Variants in ACTR2 observed in about 807,000 individuals in gnomAD.
ACTR2 encodes actin-related protein 2.
Under a neutral mutation model 50.2 loss-of-function variants are expected in ACTR2, and 5 were observed. That is an observed-to-expected ratio of 0.10 (90% confidence interval 0.05 to 0.21). The LOEUF is 0.21. ACTR2 is among the 10% of genes least tolerant of loss of function. ACTR2 has a pLI of 1.00. For missense variants in ACTR2, 180 were observed against 480.6 expected (o/e 0.37, Z 5.85); for synonymous variants, 140 against 162.9 (o/e 0.86, Z 1.07).
At chr2:65,252,605 A>G (rs1380433695) in intron 4 of ACTR2, among the ~76,000 whole-genome samples, 1 of 152,064 alleles carries the variant, frequency 6.6e-6, no homozygotes, top group African/African-American at 2.4e-5. Context: ...AGATTGTGCC[A>G]TTGCACTCCA....
chr2:65,265,730 T>G (rs1026808673), intron 8 of ACTR2, among the ~76,000 whole-genome samples: 19 of 152,178 alleles, frequency 1.2e-4, no homozygotes, highest in African/African-American at 4.6e-4. Context: ...CTAGAAATAG[T>G]TGATGTTTCT....
chr2:65,250,911 C>T, intron 3 of ACTR2, 116 bp from the exon 4 acceptor site: 1 of 565,062 alleles, frequency 1.8e-6, no homozygotes, highest in Non-Finnish European at 3.0e-6. Flanking sequence ...AAGACTATTT[C>T]AGGTCCATTT....
Position 65,271,064 on chromosome 2 carries a change from C to G in ACTR2, c.*2330C>G, listed in dbSNP as rs188901015. On this transcript the variant is annotated 3_prime_UTR_variant, in exon 9 of 9. Transcript: ENST00000260641. ...TTAGAAATACATTTAGTAAAGTCCCCAAGACATTAGTCTTACATTTAAACT... is the reference window on the plus strand; with the variant it reads ...TTAGAAATACATTTAGTAAAGTCCCGAAGACATTAGTCTTACATTTAAACT... 3.3e-5 allele frequency: 5 copies of G among 152,158 alleles called. No individual in the cohort carries two copies. The highest frequency in any genetic ancestry group is 2.9e-5 in the Non-Finnish European group (2 of 67,990). The allele number at this position is 152,158 out of a possible 1,614,324, so 9.4% of individuals were successfully genotyped here. A position where few individuals can be genotyped will look rare whatever the true frequency, so the allele number is the denominator to read the frequency against.
At chr2:65,231,359 T>C (rs369468355) in intron 1 of ACTR2, among the ~76,000 whole-genome samples, 3 of 152,352 alleles carry the variant, frequency 2.0e-5, no homozygotes, top group East Asian at 3.9e-4. Flanking sequence ...AGATTGTGTA[T>C]TCTGTTTCTT....
In ACTR2 at chr2:65,251,117, G is replaced by A. The variant is rs1487604735; in HGVS notation, c.448+18G>A. 4 of 1,557,990 alleles carry A rather than the reference G, an allele frequency of 2.6e-6. No homozygotes were observed. In the Admixed American group the frequency reaches 5.7e-5, roughly 22 times the overall value. On this transcript the variant is annotated intron_variant, in intron 4 of 8. Transcript: ENST00000260641. The stretch of plus-strand genomic sequence containing the variant: ...CGCTCAAGGTAGGTTAAGCTTAACT[G>A]TTAGAAAAAACACTTCATCAAACAT...
rs201528685 is a variant in ACTR2, at chr2:65,263,064, TAG to T, written c.881+1675_881+1676del. ...AAGGGACTTGTTTGTTTGTTTGAGA[TAG>T]AGTCTCGCTCTGTCGCCAGGCTGGA... On this transcript the variant is annotated intron_variant, in intron 7 of 8. Coordinates refer to ENST00000260641, the MANE Select transcript of ACTR2 (RefSeq NM_005722.4). 5.7e-3 allele frequency among the ~76,000 whole-genome samples: 865 copies of T among 151,572 alleles called. 38 individuals carry two copies. The highest frequency in any genetic ancestry group is 0.052 in the Admixed American group (792 of 15,240).
At chr2:65,245,590 G>A (rs749306168) in intron 2 of ACTR2, among the ~76,000 whole-genome samples, 1 of 152,112 alleles carries the variant, frequency 6.6e-6, no homozygotes, top group Non-Finnish European at 1.5e-5. Context: ...TTAACGTATT[G>A]TAGCAAATAT....
intron 7 of ACTR2, among the ~76,000 whole-genome samples, chr2:65,263,838 G>A (rs1407866390): frequency 1.3e-5 from 2 of 152,116 alleles, no homozygotes; most frequent in South Asian, 2.1e-4. Flanking sequence ...GGCGAATCAC[G>A]AGGTCAGGAG....
chr2:65,229,766 A>AAAG (rs1558618371), intron 1 of ACTR2, among the ~76,000 whole-genome samples: 4 of 148,854 alleles, frequency 2.7e-5, no homozygotes, highest in Non-Finnish European at 4.5e-5. Flanking sequence ...AAAAAAAAAA[A>AAAG]AAAAAGAAAA....
At chr2:65,250,672 C>CAAAAAAAAAAAAAAAAAAAAAA (rs368589131) in intron 3 of ACTR2, among the ~76,000 whole-genome samples, 1 of 84,904 alleles carries the variant, frequency 1.2e-5, no homozygotes. Context: ...GACTTCATCT[C>CAAAAAAAAAAAAAAAAAAAAAA]AAAAAAAAAA....
At chr2:65,232,653 T>C (rs1230658492) in intron 1 of ACTR2, among the ~76,000 whole-genome samples, 1 of 152,032 alleles carries the variant, frequency 6.6e-6, no homozygotes, top group Non-Finnish European at 1.5e-5. Context: ...TCCCAGGTTA[T>C]TATTTTTTTG....
intron 1 of ACTR2, among the ~76,000 whole-genome samples, chr2:65,230,883 G>T (rs562497530): frequency 1.3e-5 from 2 of 151,772 alleles, no homozygotes; most frequent in Non-Finnish European, 2.9e-5. Context: ...GTGAAACCCC[G>T]TGTCTACTAA....
At chr2:65,262,252 C>T (rs1422479945) in intron 7 of ACTR2, among the ~76,000 whole-genome samples, 6 of 152,010 alleles carry the variant, frequency 3.9e-5, no homozygotes, top group African/African-American at 1.4e-4. Flanking sequence ...TTTTTTGAGA[C>T]GGAATGTCAC....
chr2:65,241,570 G>A lies in ACTR2; in HGVS notation c.159+1608G>A, dbSNP rs187555211. On this transcript the variant is annotated intron_variant, in intron 2 of 8. Transcript: ENST00000260641. The stretch of plus-strand genomic sequence containing the variant: ...AGCCTATCAAGTTAAATTATTCTTC[G>A]AGTAGAAAACAGCAAAAGATACCTG... 3.7e-3 allele frequency among the ~76,000 whole-genome samples: 558 copies of A among 152,146 alleles called. 3 individuals carry two copies. Among genetic ancestry groups the A allele is most frequent in the African/African-American group, 0.012 (500 of 41,518 alleles).
chr2:65,242,800 T>A (rs1300178666), intron 2 of ACTR2, among the ~76,000 whole-genome samples: 1 of 152,194 alleles, frequency 6.6e-6, no homozygotes, highest in Non-Finnish European at 1.5e-5. Flanking sequence ...GTAGATACTT[T>A]TCAAGTTTGT....
intron 1 of ACTR2, among the ~76,000 whole-genome samples, chr2:65,237,200 C>T (rs1248566971): frequency 2.0e-5 from 3 of 152,114 alleles, no homozygotes; most frequent in Non-Finnish European, 4.4e-5. Context: ...ATAGCTTCCT[C>T]CTCCCACCCT....
At chr2:65,240,859 G>T (rs1671829074) in intron 2 of ACTR2, among the ~76,000 whole-genome samples, 1 of 152,110 alleles carries the variant, frequency 6.6e-6, no homozygotes, top group South Asian at 2.1e-4. Flanking sequence ...TATGCATTAG[G>T]GCGTATCTCT....
Position 65,261,338 on chromosome 2 carries a change from T to C in ACTR2, c.827T>C (p.Val276Ala). The C allele has an allele frequency of 6.2e-7, 1 of 1,613,942 alleles. No homozygotes were observed. Among genetic ancestry groups the C allele is most frequent in the Non-Finnish European group, 8.5e-7 (1 of 1,179,956 alleles). Residue 276 changes from valine (V) to alanine (A), a missense_variant, in exon 7 of 9, where the codon GTT (valine) becomes GCT (alanine). Transcript: ENST00000260641. ...CCTCACTTGATCAATGTTGAAGGAG[T>C]TGGTGTTGCTGAATTGCTTTTTAAC... ...FQPHLINVEGVGVAELLFNTI... is the reference protein window; with the variant it reads ...FQPHLINVEGAGVAELLFNTI...
chr2:65,247,831 G>A (rs1671967540), intron 3 of ACTR2, among the ~76,000 whole-genome samples: 1 of 152,162 alleles, frequency 6.6e-6, no homozygotes, highest in African/African-American at 2.4e-5. Context: ...ATCAGCTGTA[G>A]ATGCTAAAGG....
Sources: allele counts gnomAD v4.1 joint callset (sites outside exome capture counted in the v4.1 genomes callset), GRCh38; gene constraint gnomAD v4.1.1; transcripts MANE v1.5; gene names NCBI Gene and HGNC (gene_info 2026-07-23, HGNC 2026-07-21).